NCOA7: variants seen among roughly 807,000 people sequenced by gnomAD.
The protein encoded by NCOA7 is nuclear receptor coactivator 7.
Under a neutral mutation model 104.3 loss-of-function variants are expected in NCOA7, and 45 were observed. That is an observed-to-expected ratio of 0.43 (90% CI 0.34 to 0.55). NCOA7 has a LOEUF of 0.55. Ranked by LOEUF, NCOA7 falls within the 20% of genes least tolerant of loss-of-function variation. The pLI is 0.02. For synonymous variants in NCOA7, 398 were observed against 402.3 expected (o/e 0.99, Z 0.13); for missense variants, 1,041 against 1,119.7 (o/e 0.93, Z 1.00).
At chr6:125,921,133 G>C in intron 12 of NCOA7, 65 bp downstream of exon 12, 1 of 1,570,902 alleles carries the variant, frequency 6.4e-7, no homozygotes, top group East Asian at 2.3e-5. Context: ...CCCTTGGCCA[G>C]GTACAGTGGC....
At chr6:125,928,425 TA>T (rs1788230438) in intron 15 of NCOA7, among the ~76,000 whole-genome samples, 178 bp downstream of exon 15, 2 of 152,188 alleles carry the variant, frequency 1.3e-5, no homozygotes, top group Admixed American at 6.5e-5. Context: ...AAAGATAGAA[TA>T]TTTATGTGTC....
chr6:125,871,998 GAA>G (rs530879162), intron 3 of NCOA7, among the ~76,000 whole-genome samples: 1,130 of 89,748 alleles, frequency 0.013, 9 homozygotes, highest in African/African-American at 0.037. Flanking sequence ...CCCTGTCTCA[GAA>G]AAAAAAAAAA....
At chr6:125,789,901 A>G (rs866744000), upstream of NCOA7, among the ~76,000 whole-genome samples, 1 of 152,178 alleles carries the variant, frequency 6.6e-6, no homozygotes, top group Non-Finnish European at 1.5e-5. Flanking sequence ...TTTTCTGCGT[A>G]TAAGAGTGAA....
At chr6:125,881,704 G>T (rs1783847159) in intron 6 of NCOA7, among the ~76,000 whole-genome samples, 2 of 147,138 alleles carry the variant, frequency 1.4e-5, no homozygotes, top group African/African-American at 5.0e-5. Context: ...AAAAATGCAT[G>T]CCTTGTGTAA....
chr6:125,794,355 G>T (rs1775115946), intron 1 of NCOA7, among the ~76,000 whole-genome samples: 1 of 151,928 alleles, frequency 6.6e-6, no homozygotes, highest in Non-Finnish European at 1.5e-5. Context: ...TTCTAACTTG[G>T]CAACTAGGAA....
intron 1 of NCOA7, among the ~76,000 whole-genome samples, chr6:125,782,059 C>T (rs945197111): frequency 2.0e-5 from 3 of 151,932 alleles, no homozygotes; most frequent in African/African-American, 7.3e-5. Flanking sequence ...ATGTTTAAGC[C>T]TTAGTATTTA....
At chr6:125,837,242 C>CTCATTCATTCAT (rs1246870187) in intron 2 of NCOA7, among the ~76,000 whole-genome samples, 2 of 152,024 alleles carry the variant, frequency 1.3e-5, no homozygotes, top group African/African-American at 4.8e-5. Flanking sequence ...AAGTTTGTTT[C>CTCATTCATTCAT]TCATTCATTC....
intron 11 of NCOA7, among the ~76,000 whole-genome samples, chr6:125,920,738 T>G (rs1441201659): frequency 6.6e-6 from 1 of 152,164 alleles, no homozygotes; most frequent in Non-Finnish European, 1.5e-5. Context: ...TTTATACATA[T>G]TAACTGCCTC....
intron 10 of NCOA7, among the ~76,000 whole-genome samples, chr6:125,908,898 T>G (rs1786271783): frequency 6.6e-6 from 1 of 152,246 alleles, no homozygotes; most frequent in Admixed American, 6.5e-5. Context: ...TTGCAATGTC[T>G]AAGAAGAAAT....
intron 2 of NCOA7, among the ~76,000 whole-genome samples, chr6:125,848,062 C>G (rs1448265084): frequency 2.0e-5 from 3 of 152,210 alleles, no homozygotes; most frequent in Non-Finnish European, 4.4e-5. Flanking sequence ...CTCATCATCA[C>G]TGGTCATCAG....
Position 125,889,570 on chromosome 6 carries a change from C to A in NCOA7, c.1516C>A (p.Arg506=). 1 of 1,613,798 alleles carries A rather than the reference C, an allele frequency of 6.2e-7. No homozygotes were observed. Among genetic ancestry groups the A allele is most frequent in the Non-Finnish European group, 8.5e-7 (1 of 1,179,956 alleles). Reference sequence around the variant, plus strand: ...CAAGCAGTCTGGTTCGCCAGAAAGCCGAGTAGAAAACACACTGAACATACA... The same window carrying A: ...CAAGCAGTCTGGTTCGCCAGAAAGCAGAGTAGAAAACACACTGAACATACA... The part of the protein sequence containing the change: ...VDKQSGSPES[R]VENTLNIHED... The change falls in exon 9 of 16, where the codon CGA becomes AGA. Residue 506 remains arginine, a synonymous_variant. Transcript: ENST00000392477.
At chr6:125,916,373 C>A (rs917771132) in intron 11 of NCOA7, among the ~76,000 whole-genome samples, 2 of 152,158 alleles carry the variant, frequency 1.3e-5, no homozygotes, top group Non-Finnish European at 2.9e-5. Flanking sequence ...AGTGTGAAAA[C>A]GGACTAATAC....
chr6:125,887,174 G>A (rs980713472), intron 8 of NCOA7, among the ~76,000 whole-genome samples: 10 of 152,216 alleles, frequency 6.6e-5, no homozygotes, highest in Non-Finnish European at 1.5e-4. Context: ...TAATTAGAGT[G>A]CAGTTGAAGG....
chr6:125,812,933 C>A (rs1425382984), intron 1 of NCOA7, among the ~76,000 whole-genome samples: 1 of 152,158 alleles, frequency 6.6e-6, no homozygotes, highest in African/African-American at 2.4e-5. Flanking sequence ...TTTCTTGAGT[C>A]CATCCCTCCT....
intron 1 of NCOA7, among the ~76,000 whole-genome samples, chr6:125,812,459 A>G (rs1185610172): frequency 2.0e-5 from 3 of 152,232 alleles, no homozygotes; most frequent in Non-Finnish European, 4.4e-5. Context: ...AGCCCAAGTC[A>G]GGGATGTGAA....
At chr6:125,796,381 G>A (rs1298665484) in intron 1 of NCOA7, among the ~76,000 whole-genome samples, 5 of 126,548 alleles carry the variant, frequency 4.0e-5, no homozygotes, top group African/African-American at 1.6e-4. Flanking sequence ...GTATCGTGCA[G>A]GGGATTGGTT....
upstream of NCOA7, among the ~76,000 whole-genome samples, chr6:125,789,866 A>C (rs1277347986): frequency 6.6e-6 from 1 of 152,240 alleles, no homozygotes; most frequent in Non-Finnish European, 1.5e-5. Flanking sequence ...TTAACAGAGT[A>C]GTTGCAGGCC....
At chr6:125,904,250 C>T (rs1340641131) in intron 10 of NCOA7, among the ~76,000 whole-genome samples, 3 of 152,194 alleles carry the variant, frequency 2.0e-5, no homozygotes, top group Non-Finnish European at 4.4e-5. Flanking sequence ...TTCCCTGCCT[C>T]TTGAGTTCCT....
At chr6:125,918,795 A>G (rs575446102) in intron 11 of NCOA7, among the ~76,000 whole-genome samples, 1 of 152,294 alleles carries the variant, frequency 6.6e-6, no homozygotes, top group East Asian at 1.9e-4. Context: ...AACATGACAT[A>G]GTATTGAAGT....
Sources: gnomAD v4.1 joint callset for allele counts (sites outside exome capture counted in the v4.1 genomes callset) on GRCh38, gnomAD v4.1.1 for gene constraint, MANE v1.5 for transcripts, NCBI Gene and HGNC (gene_info 2026-07-23, HGNC 2026-07-21) for gene names.